Variants in SH3GL1 observed in about 807,000 individuals in gnomAD.
The protein encoded by SH3GL1 is endophilin-A2.
Under a neutral mutation model 48.8 loss-of-function variants are expected in SH3GL1, and 21 were observed. The observed-to-expected ratio is 0.43, with a 90% CI of 0.30 to 0.62. The LOEUF is 0.62. Ranked by LOEUF, SH3GL1 falls within the 20% of genes least tolerant of loss-of-function variation. SH3GL1 has a pLI of 0.11. For missense variants in SH3GL1, 454 were observed against 503.0 expected, an observed-to-expected ratio of 0.90 and a Z score of 0.93; for synonymous variants, 282 against 217.5, an observed-to-expected ratio of 1.30 and a Z score of -2.61.
chr19:4,398,241 G>C (rs1195672075), intron 1 of SH3GL1, among the ~76,000 whole-genome samples: 2 of 152,044 alleles, frequency 1.3e-5, no homozygotes, highest in Non-Finnish European at 2.9e-5. Context: ...CCGAACTGTG[G>C]GCAGAGAACC....
chr19:4,384,748 CTGCGGATGCGAGTGGA>C (rs1230928691), intron 1 of SH3GL1, among the ~76,000 whole-genome samples: 1 of 152,238 alleles, frequency 6.6e-6, no homozygotes, highest in Non-Finnish European at 1.5e-5. Flanking sequence ...AGCCACGCAG[CTGCGGATGCGAGTGGA>C]GCCTCGTGTG....
chr19:4,385,825 G>A (rs1234782582), intron 1 of SH3GL1, among the ~76,000 whole-genome samples: 11 of 152,180 alleles, frequency 7.2e-5, no homozygotes, highest in Admixed American at 6.5e-4. Context: ...AGCGGCCTCC[G>A]AGCCAGCCTC....
At chr19:4,374,645 TGA>T (rs1177785533) in intron 1 of SH3GL1, among the ~76,000 whole-genome samples, 1 of 152,220 alleles carries the variant, frequency 6.6e-6, no homozygotes. Flanking sequence ...TCGTCTGCAT[TGA>T]GAGGCTTGGC....
chr19:4,375,107 C>A (rs1462655635), intron 1 of SH3GL1, among the ~76,000 whole-genome samples: 6 of 152,144 alleles, frequency 3.9e-5, no homozygotes, highest in African/African-American at 1.2e-4. Context: ...CCCCTCCATG[C>A]GTGGGGGAGA....
intron 1 of SH3GL1, among the ~76,000 whole-genome samples, chr19:4,377,429 T>C (rs925579741): frequency 4.6e-5 from 7 of 152,202 alleles, no homozygotes; most frequent in Admixed American, 6.5e-5. Flanking sequence ...TCTGGCACAC[T>C]TACACAGGGA....
At chr19:4,398,695 G>A (rs979404230) in intron 1 of SH3GL1, among the ~76,000 whole-genome samples, 3 of 152,132 alleles carry the variant, frequency 2.0e-5, no homozygotes, top group African/African-American at 4.8e-5. Flanking sequence ...TCTTGCATTC[G>A]AAATTGCAAA....
intron 1 of SH3GL1, among the ~76,000 whole-genome samples, chr19:4,370,974 G>A (rs1244631168): frequency 3.9e-5 from 6 of 152,328 alleles, no homozygotes; most frequent in East Asian, 1.9e-4. Flanking sequence ...CTATGCTCAC[G>A]CATCCCACCT....
chr19:4,400,048 GAGA>G lies in SH3GL1; in HGVS notation c.45+273_45+275del, dbSNP rs1208222740. Among the ~76,000 whole-genome samples the G allele has an allele frequency of 2.0e-5, 3 of 152,156 alleles. 1 individual carries two copies. The highest frequency in any genetic ancestry group is 4.1e-4 in the South Asian group (2 of 4,836). Reference sequence around the variant, plus strand: ...CCCCGCACCCCGCCTTTGCAGCGGAGAGAAGGAGGGGAGAGGTCCGCGTCCCTG... The same window carrying G: ...CCCCGCACCCCGCCTTTGCAGCGGAGAGGAGGGGAGAGGTCCGCGTCCCTG... On this transcript the variant is annotated intron_variant, in intron 1 of 9. Coordinates refer to ENST00000269886, the MANE Select transcript of SH3GL1 (RefSeq NM_003025.4). The surrounding 1 kb of genome is among the most constrained non-coding windows in gnomAD (Gnocchi z 4.1).
chr19:4,374,396 G>A (rs1972964390), intron 1 of SH3GL1, among the ~76,000 whole-genome samples: 2 of 152,212 alleles, frequency 1.3e-5, no homozygotes, highest in Non-Finnish European at 1.5e-5. Context: ...GCTCCGTGAG[G>A]GCAGCCCCAG....
At chr19:4,364,957 A>G (rs1277838736) in intron 4 of SH3GL1, among the ~76,000 whole-genome samples, 1 of 141,524 alleles carries the variant, frequency 7.1e-6, no homozygotes, top group African/African-American at 2.7e-5. Flanking sequence ...GTTTCTCCAT[A>G]TTGGTCTTGC....
In SH3GL1 at chr19:4,376,948, T is replaced by A. The variant is rs1973020710; in HGVS notation, c.46-9954A>T. Among the ~76,000 whole-genome samples the A allele has an allele frequency of 6.6e-6, 1 of 152,070 alleles. No individual in the cohort carries two copies. Among genetic ancestry groups the A allele is most frequent in the Non-Finnish European group, 1.5e-5 (1 of 68,014 alleles). On this transcript the variant is annotated intron_variant, in intron 1 of 9. Transcript: ENST00000269886. The surrounding 1 kb of genome is among the most constrained non-coding windows in gnomAD (Gnocchi z 4.3). ...TCCCACCCCTTGACAGCAGCTAAGC[T>A]CCGGGGGCAGCAACTCCCCGCAGTG...
intron 4 of SH3GL1, chr19:4,364,441 C>T: frequency 1.7e-6 from 1 of 574,650 alleles, no homozygotes; most frequent in Non-Finnish European, 3.1e-6. Context: ...GGATCCTTTC[C>T]AACTTCTTTG....
At chr19:4,392,402 T>C (rs1160280556) in intron 1 of SH3GL1, among the ~76,000 whole-genome samples, 1 of 152,094 alleles carries the variant, frequency 6.6e-6, no homozygotes, top group Non-Finnish European at 1.5e-5. Flanking sequence ...CGCACGCCTG[T>C]ATTCCCAGCT....
intron 1 of SH3GL1, among the ~76,000 whole-genome samples, chr19:4,381,065 GT>G (rs1973111351): frequency 1.1e-5 from 1 of 88,750 alleles, no homozygotes; most frequent in African/African-American, 5.4e-5. Flanking sequence ...CAGCCTCTCT[GT>G]CCCCCTGCCT....
chr19:4,381,992 C>T (rs569366043), intron 1 of SH3GL1, among the ~76,000 whole-genome samples: 104 of 152,204 alleles, frequency 6.8e-4, no homozygotes, highest in African/African-American at 2.4e-3. Flanking sequence ...TAAAGCAACA[C>T]AAAGTCTTCA....
chr19:4,370,973 C>G (rs557480833), intron 1 of SH3GL1, among the ~76,000 whole-genome samples: 2 of 152,246 alleles, frequency 1.3e-5, no homozygotes, highest in Non-Finnish European at 2.9e-5. Flanking sequence ...TCTATGCTCA[C>G]GCATCCCACC....
chr19:4,395,363 T>C (rs1973407131), intron 1 of SH3GL1, among the ~76,000 whole-genome samples: 3 of 152,142 alleles, frequency 2.0e-5, no homozygotes, highest in Admixed American at 6.5e-5. Context: ...TGAAAGTGTT[T>C]CCTCTCAAAG....
Position 4,400,495 on chromosome 19 carries a change from C to CCACCCGCTT in SH3GL1, c.-128_-127insAAGCGGGTG. ...CTCCGCCACCCGCTTGCCAGCTCCG[C>CCACCCGCTT]GCCCGCCCCGGCGCCGCCTCAGCCG... On this transcript the variant is annotated 5_prime_UTR_variant, in exon 1 of 10. Coordinates refer to ENST00000269886, the MANE Select transcript of SH3GL1 (RefSeq NM_003025.4). The surrounding 1 kb of genome is among the most constrained non-coding windows in gnomAD (Gnocchi z 4.1). 49 of 789,056 alleles carry CCACCCGCTT rather than the reference C, an allele frequency of 6.2e-5. No homozygotes were observed. The highest frequency in any genetic ancestry group is 7.1e-5 in the Non-Finnish European group (45 of 631,170). 48.9% of individuals were successfully genotyped at this position (789,056 alleles called of 1,614,324 possible).
chr19:4,382,825 C>T (rs556077045), intron 1 of SH3GL1, among the ~76,000 whole-genome samples: 55 of 152,270 alleles, frequency 3.6e-4, no homozygotes, highest in Middle Eastern at 3.4e-3. Flanking sequence ...CAGTACTGAG[C>T]CACTGTTCAG....
Sources: allele counts gnomAD v4.1 joint callset (sites outside exome capture counted in the v4.1 genomes callset), GRCh38; gene constraint gnomAD v4.1.1; non-coding constraint Gnocchi (gnomAD v3.1); transcripts MANE v1.5; gene names NCBI Gene and HGNC (gene_info 2026-07-23, HGNC 2026-07-21).